Variants in ATP10D observed in about 807,000 individuals in gnomAD.
The protein encoded by ATP10D is phospholipid-transporting ATPase VD.
In ATP10D, 89 loss-of-function variants were observed where a neutral mutation model predicts 144.8. The ratio of observed to expected loss-of-function variants is 0.61; its 90% CI spans 0.52 to 0.73. ATP10D has a LOEUF of 0.73. ATP10D is among the 30% of genes least tolerant of loss of function. The pLI is 0.00. For missense variants in ATP10D, 1,603 were observed against 1,714.8 expected, an observed-to-expected ratio of 0.93 and a Z score of 1.15; for synonymous variants, 571 against 615.1, an observed-to-expected ratio of 0.93 and a Z score of 1.06.
intron 12 of ATP10D, 121 bp from the exon 13 acceptor site, chr4:47,558,802 T>C: frequency 1.3e-6 from 1 of 771,508 alleles, no homozygotes; most frequent in Admixed American, 2.6e-5. Context: ...CATTTGGGAT[T>C]CAAAACCAGA....
At chr4:47,578,160 A>T (rs1247449179) in intron 19 of ATP10D, among the ~76,000 whole-genome samples, 1 of 152,192 alleles carries the variant, frequency 6.6e-6, no homozygotes, top group Non-Finnish European at 1.5e-5. Flanking sequence ...CCCAGCATGT[A>T]GCTATTGATA....
At chr4:47,579,253 T>C (rs1720387714) in intron 19 of ATP10D, among the ~76,000 whole-genome samples, 1 of 152,230 alleles carries the variant, frequency 6.6e-6, no homozygotes, top group Non-Finnish European at 1.5e-5. Context: ...AGCAGTTTAG[T>C]ACATGAAAAC....
intron 1 of ATP10D, among the ~76,000 whole-genome samples, chr4:47,494,071 A>G (rs1715223463): frequency 3.9e-5 from 6 of 152,242 alleles, no homozygotes; most frequent in Admixed American, 3.9e-4. Flanking sequence ...ACTGAAAACA[A>G]CAGTCAGAAA....
intron 19 of ATP10D, among the ~76,000 whole-genome samples, chr4:47,577,786 T>C (rs1720310157): frequency 6.6e-6 from 1 of 152,060 alleles, no homozygotes; most frequent in African/African-American, 2.4e-5. Flanking sequence ...TCCTCTAATA[T>C]CATCCAATCC....
chr4:47,535,931 A>C lies in ATP10D; in HGVS notation c.913A>C (p.Ser305Arg), dbSNP rs372137686. The change falls in exon 7 of 23, where the codon AGT becomes CGT. Residue 305 changes from serine to arginine, a missense_variant. By Grantham distance (110) the Ser-to-Arg change is moderately radical. Coordinates refer to ENST00000273859, the MANE Select transcript of ATP10D (RefSeq NM_020453.4). ...GHETKAMLNN[S>R]GPRYKRSKLE... ...TGAAACCAAAGCAATGCTGAACAAC[A>C]GTGGGCCACGGTATAAGCGCAGCAA... 11 of 1,613,000 alleles carry C rather than the reference A, an allele frequency of 6.8e-6. No individual in the cohort carries two copies. The highest frequency in any genetic ancestry group is 9.3e-6 in the Non-Finnish European group (11 of 1,179,282).
chr4:47,497,966 A>G (rs887908623), intron 1 of ATP10D, among the ~76,000 whole-genome samples: 1 of 152,246 alleles, frequency 6.6e-6, no homozygotes, highest in African/African-American at 2.4e-5. Context: ...GTTGGCATCA[A>G]ACAATTCATA....
chr4:47,572,735 A>AT (rs1577698582), intron 17 of ATP10D, 137 bp from the exon 18 acceptor site: 4 of 1,143,110 alleles, frequency 3.5e-6, no homozygotes, highest in Non-Finnish European at 5.0e-6. Context: ...CAAAAAACTG[A>AT]TTTTCATTCA....
At chr4:47,527,005 G>GA (rs1224978107) in intron 5 of ATP10D, among the ~76,000 whole-genome samples, 4 of 151,874 alleles carry the variant, frequency 2.6e-5, no homozygotes, top group African/African-American at 9.7e-5. Flanking sequence ...AAGCAATTTT[G>GA]AAAAAACAAG....
At chr4:47,529,132 C>T (rs913318968) in intron 5 of ATP10D, among the ~76,000 whole-genome samples, 5 of 152,052 alleles carry the variant, frequency 3.3e-5, no homozygotes, top group African/African-American at 1.2e-4. Context: ...TATGTAGAAG[C>T]CATTTATTTC....
At chr4:47,489,796 TAAG>T (rs1263522490) in intron 1 of ATP10D, among the ~76,000 whole-genome samples, 5 of 152,224 alleles carry the variant, frequency 3.3e-5, no homozygotes, top group Admixed American at 2.0e-4. Flanking sequence ...TCTAAAATAA[TAAG>T]CATTGTTGAA....
chr4:47,522,879 T>G, intron 3 of ATP10D, 133 bp from the exon 4 acceptor site: 2 of 760,566 alleles, frequency 2.6e-6, no homozygotes, highest in Non-Finnish European at 4.1e-6. Context: ...CCTTTGAGCA[T>G]TTAATAGATT....
Position 47,587,185 on chromosome 4 carries a change from C to T in ATP10D, c.3920C>T (p.Thr1307Met), listed in dbSNP as rs371160449. Reference sequence around the variant, plus strand: ...TTCTACTTAGTTTGTATCCTCACGACGTCCATTGCTCTTCTGCCCAGGTAT... The same window carrying T: ...TTCTACTTAGTTTGTATCCTCACGATGTCCATTGCTCTTCTGCCCAGGTAT... ...PVFYLVCILT[T>M]SIALLPRFVY... The change falls in exon 22 of 23, where the codon ACG becomes ATG. Residue 1307 changes from threonine (T) to methionine (M), a missense_variant. Coordinates refer to ENST00000273859, the MANE Select transcript of ATP10D (RefSeq NM_020453.4). 7.4e-6 allele frequency: 12 copies of T among 1,613,328 alleles called. No homozygotes were observed. The highest frequency in any genetic ancestry group is 1.3e-5 in the African/African-American group (1 of 74,890).
chr4:47,545,900 G>A (rs1487190852), intron 9 of ATP10D, among the ~76,000 whole-genome samples: 2 of 152,124 alleles, frequency 1.3e-5, no homozygotes, highest in Non-Finnish European at 2.9e-5. Context: ...TCAAAGATGG[G>A]ACCAGTTGAG....
chr4:47,558,934 C>T lies in ATP10D; in HGVS notation c.2446C>T (p.Leu816=), dbSNP rs1200800874. ...GTCCATTATTTCAGATGGAGCAAGT[C>T]TGGAGAAACAACAGATGATAGTAAG... ...LSVASPDGAS[L]EKQQMIVREK... Residue 816 remains leucine (L), a synonymous_variant, in exon 13 of 23, where the codon CTG becomes TTG. Coordinates refer to ENST00000273859, the MANE Select transcript of ATP10D (RefSeq NM_020453.4). 6.2e-7 allele frequency: 1 copy of T among 1,613,262 alleles called. No individual in the cohort carries two copies.
chr4:47,533,150 A>T (rs1183144196), intron 5 of ATP10D, among the ~76,000 whole-genome samples: 2 of 152,118 alleles, frequency 1.3e-5, no homozygotes, highest in Non-Finnish European at 2.9e-5. Context: ...GAACTTTGGA[A>T]TTGATGATTT....
At chr4:47,544,041 T>A (rs1718292724) in intron 9 of ATP10D, among the ~76,000 whole-genome samples, 1 of 142,422 alleles carries the variant, frequency 7.0e-6, no homozygotes, top group African/African-American at 2.6e-5. Flanking sequence ...ATTGGCCATG[T>A]GTTAAAAATT....
intron 9 of ATP10D, among the ~76,000 whole-genome samples, chr4:47,545,634 G>C (rs984666981): frequency 2.6e-5 from 4 of 152,230 alleles, no homozygotes; most frequent in Admixed American, 2.6e-4. Context: ...TAGATTTCTG[G>C]CTTAAGTAAC....
At chr4:47,577,114 C>A (rs1720279861) in intron 19 of ATP10D, 141 bp downstream of exon 19, 16 of 738,532 alleles carry the variant, frequency 2.2e-5, no homozygotes, top group Middle Eastern at 2.8e-4. Flanking sequence ...ACTTATGTGG[C>A]AGATATTCAC....
At chr4:47,519,335 C>T (rs998030478) in intron 3 of ATP10D, among the ~76,000 whole-genome samples, 3 of 152,094 alleles carry the variant, frequency 2.0e-5, no homozygotes, top group African/African-American at 7.2e-5. Context: ...TGCTACTGAA[C>T]TTATAAGAAA....
Sources: allele counts gnomAD v4.1 joint callset (sites outside exome capture counted in the v4.1 genomes callset), GRCh38; gene constraint gnomAD v4.1.1; transcripts MANE v1.5; gene names NCBI Gene and HGNC (gene_info 2026-07-23, HGNC 2026-07-21).